ATP11C: variants seen among roughly 807,000 people sequenced by gnomAD.
ATP11C encodes the protein phospholipid-transporting ATPase IG.
ATP11C carries 36 observed loss-of-function variants against 97.4 expected under a neutral mutation model. The observed-to-expected ratio is 0.37, with a 90% confidence interval of 0.28 to 0.49. ATP11C has a LOEUF of 0.49. Ranked by LOEUF, ATP11C falls within the 20% of genes least tolerant of loss-of-function variation. The pLI is 0.98. For missense variants in ATP11C, 730 were observed against 824.6 expected, an observed-to-expected ratio of 0.89 and a Z score of 1.40; for synonymous variants, 275 against 290.9, an observed-to-expected ratio of 0.95 and a Z score of 0.56.
At position 139,726,556 on chromosome X, in the gene ATP11C, C is replaced by T. The variant is rs1432123586; in HGVS notation, c.*2410G>A. On this transcript the variant is annotated 3_prime_UTR_variant, in exon 30 of 30. Coordinates refer to ENST00000682941, the MANE Select transcript of ATP11C (RefSeq NM_001353812.2). ...TTTGTCAACACGCATAAAATCTGCA[C>T]ATTTATATACTGCATGTTATTAAAA... is the stretch of plus-strand genomic sequence containing the variant. The T allele has an allele frequency of 1.8e-5, 2 of 112,390 alleles. No homozygotes were observed. The highest frequency in any genetic ancestry group is 3.2e-5 in the African/African-American group (1 of 30,892). The allele number at this position is 112,390 out of a possible 1,213,427, so 9.3% of individuals were successfully genotyped here. A position where few individuals can be genotyped will look rare whatever the true frequency, so the allele number is the denominator to read the frequency against.
At chrX:139,739,553 C>T (rs1470091099) in intron 27 of ATP11C, among the ~76,000 whole-genome samples, 1 of 111,069 alleles carries the variant, frequency 9.0e-6, no homozygotes, top group Non-Finnish European at 1.9e-5. Context: ...AGTGGCTCAA[C>T]TCTACTTAAT....
At chrX:139,808,155 A>G (rs1053122037) in intron 5 of ATP11C, among the ~76,000 whole-genome samples, 1 of 111,234 alleles carries the variant, frequency 9.0e-6, no homozygotes, top group Admixed American at 9.6e-5. Context: ...ATAATCACTA[A>G]TTCTGAAGAC....
intron 10 of ATP11C, among the ~76,000 whole-genome samples, chrX:139,797,939 C>G (rs1294690246): frequency 3.6e-5 from 4 of 111,887 alleles, no homozygotes; most frequent in Non-Finnish European, 3.8e-5. Context: ...AAACCATTAA[C>G]TCCACTAGCA....
intron 29 of ATP11C, among the ~76,000 whole-genome samples, chrX:139,730,206 G>A (rs1435065297): frequency 9.0e-6 from 1 of 111,496 alleles, no homozygotes; most frequent in Admixed American, 9.6e-5. Context: ...TAGGAGATAA[G>A]GCCCTGGAGA....
chrX:139,874,334 A>G (rs112118172), intron 1 of ATP11C, among the ~76,000 whole-genome samples: 6,193 of 107,496 alleles, frequency 0.058, 437 homozygotes, highest in African/African-American at 0.2. Context: ...TGCTAGGATT[A>G]CAGGCGTGAG....
At chrX:139,905,278 T>C (rs767397330) in intron 1 of ATP11C, among the ~76,000 whole-genome samples, 1 of 112,093 alleles carries the variant, frequency 8.9e-6, no homozygotes, top group East Asian at 2.8e-4. Flanking sequence ...ATCAAATGTT[T>C]CCCTTTTCCA....
At chrX:139,799,351 T>C (rs1279763274) in intron 8 of ATP11C, among the ~76,000 whole-genome samples, 4 of 111,697 alleles carry the variant, frequency 3.6e-5, no homozygotes, top group Non-Finnish European at 7.5e-5. Flanking sequence ...AATGAAGCCT[T>C]TCATTTTACG....
intron 1 of ATP11C, among the ~76,000 whole-genome samples, chrX:139,917,987 G>C (rs1371288884): frequency 5.2e-5 from 5 of 95,412 alleles, no homozygotes; most frequent in African/African-American, 1.5e-4. Context: ...AAAAAAGACA[G>C]TTACTATAAA....
chrX:139,765,015 G>A (rs1194561460), intron 20 of ATP11C, among the ~76,000 whole-genome samples: 1 of 111,782 alleles, frequency 8.9e-6, no homozygotes, highest in Non-Finnish European at 1.9e-5. Flanking sequence ...ACGCACCCAA[G>A]GTTTAGGGAA....
In ATP11C at chrX:139,920,685, TCA is replaced by T. The variant is rs758721442; in HGVS notation, c.27+11329_27+11330del. On this transcript the variant is annotated intron_variant, in intron 1 of 29. Transcript: ENST00000682941. Reference sequence around the variant, plus strand: ...TGAATTTTATGTTAGGTGAATTATCTCAGTTTTTAAAAGTGAATGAAAAAAAG... The same window carrying T: ...TGAATTTTATGTTAGGTGAATTATCTGTTTTTAAAAGTGAATGAAAAAAAG... Among the ~76,000 whole-genome samples, 6 of 112,176 alleles carry T rather than the reference TCA, an allele frequency of 5.3e-5. No homozygotes were observed. The East Asian group carries it at 8.4e-4, about 16-fold the overall frequency.
upstream of ATP11C, among the ~76,000 whole-genome samples, chrX:139,934,656 G>A (rs1371299111): frequency 9.5e-6 from 1 of 105,043 alleles, no homozygotes; most frequent in Non-Finnish European, 1.9e-5. Flanking sequence ...GGGTTCAAGT[G>A]ATTCTCGTGC....
At chrX:139,916,750 AT>A (rs1279535444) in intron 1 of ATP11C, among the ~76,000 whole-genome samples, 2 of 111,425 alleles carry the variant, frequency 1.8e-5, no homozygotes, top group African/African-American at 6.5e-5. Flanking sequence ...ATTAAAAAAA[AT>A]ATATATCCAC....
chrX:139,885,767 G>A (rs1457874630), intron 1 of ATP11C, among the ~76,000 whole-genome samples: 3 of 111,388 alleles, frequency 2.7e-5, no homozygotes, highest in East Asian at 2.8e-4. Flanking sequence ...CAGAAAAAGT[G>A]CAAGATTCAT....
At position 139,768,939 on chromosome X, in the gene ATP11C, C is replaced by T. The variant is rs972128334; in HGVS notation, c.2217-505G>A. Among the ~76,000 whole-genome samples the T allele has an allele frequency of 2.8e-5, 3 of 108,373 alleles. No individual in the cohort carries two copies. The Admixed American group carries it at 3.0e-4, about 11-fold the overall frequency. 94.1% of individuals were successfully genotyped at this position (108,373 alleles called of 115,157 possible). On this transcript the variant is annotated intron_variant, in intron 19 of 29. Coordinates refer to ENST00000682941, the MANE Select transcript of ATP11C (RefSeq NM_001353812.2). ...TTCCTGAGACTTCCTAAGGCAGTAGCCTTAGCTCACGCCTGAGAGTCCCAG... is the reference window on the plus strand; with the variant it reads ...TTCCTGAGACTTCCTAAGGCAGTAGTCTTAGCTCACGCCTGAGAGTCCCAG...
At position 139,857,927 on chromosome X, in the gene ATP11C, T is replaced by G. The variant is rs760751072; in HGVS notation, c.28-31104A>C. 2.7e-5 allele frequency among the ~76,000 whole-genome samples: 3 copies of G among 112,528 alleles called. No individual in the cohort carries two copies. The East Asian group carries it at 8.4e-4, about 32-fold the overall frequency. ...CTCCAAAACTCATGCTGAAATGTGATTGCCACTATGATGGTATTAAGAGGT... is the reference window on the plus strand; with the variant it reads ...CTCCAAAACTCATGCTGAAATGTGAGTGCCACTATGATGGTATTAAGAGGT... On this transcript the variant is annotated intron_variant, in intron 1 of 29. Transcript: ENST00000682941.
At chrX:139,787,971 T>C (rs1011947629) in intron 14 of ATP11C, among the ~76,000 whole-genome samples, 2 of 112,602 alleles carry the variant, frequency 1.8e-5, no homozygotes, top group African/African-American at 6.5e-5. Context: ...CATGCATAAA[T>C]AGTAAGGCAA....
intron 1 of ATP11C, among the ~76,000 whole-genome samples, chrX:139,900,078 T>C (rs1165818914): frequency 1.8e-5 from 2 of 111,684 alleles, no homozygotes; most frequent in East Asian, 2.8e-4. Context: ...CATTCAAAAA[T>C]TGCTAATGCT....
rs776167622 is a variant in ATP11C at position 139,829,672 on chromosome X, C to T, written c.28-2849G>A. ...AGCATTTCTTAAAACTGGAAATATG[C>T]TGGTACTGACTCTATTTTAATGACA... is the stretch of plus-strand genomic sequence containing the variant. On this transcript the variant is annotated intron_variant, in intron 1 of 29. Transcript: ENST00000682941. Among the ~76,000 whole-genome samples, 3 of 110,973 alleles carry T rather than the reference C, an allele frequency of 2.7e-5. No individual in the cohort carries two copies. The South Asian group carries it at 1.1e-3, about 42-fold the overall frequency.
At chrX:139,841,645 G>A (rs2083833104) in intron 1 of ATP11C, among the ~76,000 whole-genome samples, 1 of 112,470 alleles carries the variant, frequency 8.9e-6, no homozygotes, top group African/African-American at 3.2e-5. Context: ...CCATCCCCAT[G>A]CTGAGACTAC....
Sources: gnomAD v4.1 joint callset for allele counts (sites outside exome capture counted in the v4.1 genomes callset) on GRCh38, gnomAD v4.1.1 for gene constraint, MANE v1.5 for transcripts, NCBI Gene and HGNC (gene_info 2026-07-23, HGNC 2026-07-21) for gene names.